The following GAD1 variants were observed in gnomAD, a reference collection of about 807,000 sequenced individuals.
The protein encoded by GAD1 is 67 kDa glutamic acid decarboxylase.
Under a neutral mutation model 75.2 loss-of-function variants are expected in GAD1, and 35 were observed. The observed-to-expected ratio is 0.47, with a 90% CI of 0.36 to 0.62. The LOEUF is 0.62. GAD1 is among the 20% of genes least tolerant of loss of function. The pLI is 0.00. For synonymous variants in GAD1, 257 were observed against 271.9 expected, an observed-to-expected ratio of 0.95 and a Z score of 0.54; for missense variants, 490 against 758.5, an observed-to-expected ratio of 0.65 and a Z score of 4.16.
intron 14 of GAD1, among the ~76,000 whole-genome samples, chr2:170,856,714 A>T (rs1041307479): frequency 6.6e-6 from 1 of 152,216 alleles, no homozygotes; most frequent in African/African-American, 2.4e-5. Context: ...ACAGTTGTGG[A>T]GTGGCCTCAG....
chr2:170,817,325 A>G (rs1020144929), intron 1 of GAD1: 1 of 146,146 alleles, frequency 6.8e-6, no homozygotes, highest in Admixed American at 7.3e-5. Flanking sequence ...GAAGTGGGGC[A>G]AGAGCGATTT....
chr2:170,849,423 A>C, intron 12 of GAD1, 73 bp downstream of exon 12: 1 of 1,368,326 alleles, frequency 7.3e-7, no homozygotes, highest in Non-Finnish European at 1.0e-6. Flanking sequence ...GTCAGCCTGC[A>C]CCACCCTGCC....
chr2:170,838,548 C>T (rs1473614584), intron 6 of GAD1, among the ~76,000 whole-genome samples: 1 of 152,150 alleles, frequency 6.6e-6, no homozygotes, highest in Non-Finnish European at 1.5e-5. Flanking sequence ...TCCAAGTACC[C>T]ATATTAATAC....
At chr2:170,815,687 C>T (rs1485890584), upstream of GAD1, among the ~76,000 whole-genome samples, 1 of 152,148 alleles carries the variant, frequency 6.6e-6, no homozygotes, top group Non-Finnish European at 1.5e-5. Context: ...CACGGTGTCA[C>T]CCAGACACGC....
Position 170,858,830 on chromosome 2 carries a change from G to A in GAD1, c.1548G>A (p.Trp516Ter), listed in dbSNP as rs1702904158. 1 of 1,614,122 alleles carries A rather than the reference G, an allele frequency of 6.2e-7. No homozygotes were observed. The highest frequency in any genetic ancestry group is 8.5e-7 in the Non-Finnish European group (1 of 1,180,010). ...GEPEHTNVCF[W>*]YIPQSLRGVP... ...CTGAGCACACAAACGTCTGTTTTTG[G>A]TATATTCCACAAAGCCTCAGGGGTG... The change falls in exon 16 of 17, where the codon TGG becomes TGA. Residue 516 changes from tryptophan (W) to a stop codon, truncating the protein, a stop_gained. Transcript: ENST00000358196. LOFTEE classifies it high-confidence loss of function.
Position 170,822,819 on chromosome 2 carries a change from G to C in GAD1, c.145+670G>C, listed in dbSNP as rs3791873. On this transcript the variant is annotated intron_variant, in intron 3 of 16. Coordinates refer to ENST00000358196, the MANE Select transcript of GAD1 (RefSeq NM_000817.3). ...TGAGGGAGGCACGAGGGTTTGCCTG[G>C]CGCATCCTTGAAGGCGAGGAGGGAA... Among the ~76,000 whole-genome samples the C allele has an allele frequency of 0.021, 3,243 of 152,308 alleles. 240 individuals are homozygous for C. The East Asian group carries it at 0.27, about 13-fold the overall frequency.
chr2:170,847,705 T>C lies in GAD1; in HGVS notation c.1032T>C (p.Thr344=), dbSNP rs894359826. 2.5e-6 allele frequency: 4 copies of C among 1,614,070 alleles called. 1 individual carries two copies. In the South Asian group the frequency reaches 4.4e-5, roughly 18 times the overall value. ...ATGTTCCCTTTTATGTCAATGCAAC[T>C]GCTGGCACGACTGTTTATGGAGCTT... The part of the protein sequence containing the change: ...KGYVPFYVNA[T]AGTTVYGAFD... The change falls in exon 11 of 17, where the codon ACT becomes ACC. Residue 344 remains threonine (T), a synonymous_variant. Transcript: ENST00000358196.
chr2:170,855,872 CAAA>C (rs71008727), intron 14 of GAD1, among the ~76,000 whole-genome samples: 113 of 111,628 alleles, frequency 1.0e-3, no homozygotes, highest in African/African-American at 4.6e-3. Flanking sequence ...GACTCCATCT[CAAA>C]AAAAAAAAAA....
At chr2:170,831,852 C>T (rs1028360449) in intron 5 of GAD1, among the ~76,000 whole-genome samples, 2 of 147,678 alleles carry the variant, frequency 1.4e-5, no homozygotes, top group Non-Finnish European at 3.0e-5. Flanking sequence ...GGCATGGTGG[C>T]GTGCACCTGT....
At chr2:170,842,600 C>T (rs375143514) in intron 6 of GAD1, 28 of 1,613,856 alleles carry the variant, frequency 1.7e-5, no homozygotes, top group South Asian at 4.4e-5. Context: ...TTGGTTGCTA[C>T]GGTGATGGGG....
At chr2:170,833,205 TATTGG>T (rs1386960645) in intron 5 of GAD1, among the ~76,000 whole-genome samples, 1 of 152,212 alleles carries the variant, frequency 6.6e-6, no homozygotes, top group Admixed American at 6.5e-5. Flanking sequence ...TGAGTAAGAC[TATTGG>T]ATGTCAAAAA....
chr2:170,853,793 C>T lies in GAD1; in HGVS notation c.1264-80C>T. On this transcript the variant is annotated intron_variant, in intron 13 of 16. Transcript: ENST00000358196. The surrounding 1 kb of genome is among the most constrained non-coding windows in gnomAD (Gnocchi z 4.1). ...GATTGCATATGACCCCAAGCCCCTC[C>T]TTCCAAGCAGCCTAGTTTTAAAGCC... The T allele has an allele frequency of 6.9e-7, 1 of 1,458,772 alleles. No individual in the cohort carries two copies. The allele number at this position is 1,458,772 out of a possible 1,614,324, so 90.4% of individuals were successfully genotyped here. A position where few individuals can be genotyped will look rare whatever the true frequency, so the allele number is the denominator to read the frequency against.
rs993921462 is a variant in GAD1, at chr2:170,860,156, A to G, written c.*274A>G. 7 of 374,172 alleles carry G rather than the reference A, an allele frequency of 1.9e-5. No homozygotes were observed. The highest frequency in any genetic ancestry group is 3.5e-5 in the Non-Finnish European group (7 of 202,062). 23.2% of individuals were successfully genotyped at this position (374,172 alleles called of 1,614,324 possible). On this transcript the variant is annotated 3_prime_UTR_variant, in exon 17 of 17. Transcript: ENST00000358196. Reference sequence around the variant, plus strand: ...CATGTATAGTGAGTGTGGCTTAGTAATAGATCACGGCATGTTTCCCGCTCC... The same window carrying G: ...CATGTATAGTGAGTGTGGCTTAGTAGTAGATCACGGCATGTTTCCCGCTCC...
chr2:170,822,216 A>T, intron 3 of GAD1, 67 bp downstream of exon 3: 3 of 1,315,156 alleles, frequency 2.3e-6, no homozygotes, highest in Non-Finnish European at 2.2e-6. Context: ...GGCTTGGGAG[A>T]CTGGGACGCA....
intron 2 of GAD1, chr2:170,821,685 C>T: frequency 4.6e-6 from 1 of 215,724 alleles, no homozygotes; most frequent in Admixed American, 5.3e-5. Flanking sequence ...TTCTGGGCTG[C>T]TGTGGTCGCC....
chr2:170,845,999 A>G lies in GAD1; in HGVS notation c.948-10A>G. On this transcript the variant is annotated splice_polypyrimidine_tract_variant and intron_variant, in intron 9 of 16. Coordinates refer to ENST00000358196, the MANE Select transcript of GAD1 (RefSeq NM_000817.3). Reference sequence around the variant, plus strand: ...TCATTTTAATTTCCCTCCTTTTCCAATAATTATAGGGGGAAAATAATTCCA... The same window carrying G: ...TCATTTTAATTTCCCTCCTTTTCCAGTAATTATAGGGGGAAAATAATTCCA... The G allele has an allele frequency of 6.2e-7, 1 of 1,612,440 alleles. No individual in the cohort carries two copies. Among genetic ancestry groups the G allele is most frequent in the Non-Finnish European group, 8.5e-7 (1 of 1,178,512 alleles).
chr2:170,830,636 T>C (rs1440163447), intron 4 of GAD1, among the ~76,000 whole-genome samples: 1 of 152,160 alleles, frequency 6.6e-6, no homozygotes, highest in Non-Finnish European at 1.5e-5. Flanking sequence ...GCCCCCTCCA[T>C]CACACTCCTC....
intron 4 of GAD1, 26 bp from the exon 5 acceptor site, chr2:170,830,924 A>G (rs748609342): frequency 1.2e-6 from 2 of 1,614,076 alleles, no homozygotes; most frequent in East Asian, 2.2e-5. Flanking sequence ...TCAGGTGAAA[A>G]CCATTCATTG....
In GAD1 at chr2:170,859,835, A is replaced by G. The variant is rs1702923586; in HGVS notation, c.1738A>G (p.Ile580Val). The change falls in exon 17 of 17, where the codon ATT becomes GTT. Residue 580 changes from isoleucine to valine, a missense_variant. Ile to Val is a conservative substitution (Grantham distance 29, BLOSUM62 3). Transcript: ENST00000358196. ...ISNPAATQSD[I>V]DFLIEEIERL... ...CAACCCAGCCGCTACCCAGTCTGAC[A>G]TTGACTTCCTCATTGAGGAGATAGA... 2 of 1,614,044 alleles carry G rather than the reference A, an allele frequency of 1.2e-6. No homozygotes were observed. Among genetic ancestry groups the G allele is most frequent in the South Asian group, 1.1e-5 (1 of 91,064 alleles).
Sources: gnomAD v4.1 joint callset for allele counts (sites outside exome capture counted in the v4.1 genomes callset) on GRCh38, gnomAD v4.1.1 for gene constraint, Gnocchi (gnomAD v3.1) non-coding constraint, MANE v1.5 for transcripts, NCBI Gene and HGNC (gene_info 2026-07-23, HGNC 2026-07-21) for gene names.